OXR1: variants seen among roughly 807,000 people sequenced by gnomAD.
OXR1 encodes the protein oxidation resistance 1, also known as oxidation resistance protein 1.
In OXR1, 41 loss-of-function variants were observed where a neutral mutation model predicts 104.6. The observed-to-expected ratio is 0.39, with a 90% confidence interval of 0.31 to 0.51. The LOEUF is 0.51. Ranked by LOEUF, OXR1 falls within the 20% of genes least tolerant of loss-of-function variation. The pLI, the probability that OXR1 is intolerant of heterozygous loss-of-function variation, is 0.77. For missense variants in OXR1, 955 were observed against 1,031.9 expected, an observed-to-expected ratio of 0.93 and a Z score of 1.02; for synonymous variants, 348 against 348.4, an observed-to-expected ratio of 1.00 and a Z score of 0.01.
intron 1 of OXR1, among the ~76,000 whole-genome samples, chr8:106,316,730 A>ATCG: frequency 1.5e-5 from 1 of 68,308 alleles, no homozygotes; most frequent in African/African-American, 6.0e-5. Flanking sequence ...CTATCTATCT[A>ATCG]TCTATCTATC....
At chr8:106,632,205 T>G (rs531495807) in intron 3 of OXR1, among the ~76,000 whole-genome samples, 3 of 152,304 alleles carry the variant, frequency 2.0e-5, no homozygotes, top group African/African-American at 7.2e-5. Flanking sequence ...TCTTCAAGCT[T>G]AATGTGAAAA....
chr8:106,731,359 A>G (rs1283258041), intron 11 of OXR1, among the ~76,000 whole-genome samples: 2 of 152,090 alleles, frequency 1.3e-5, no homozygotes. Flanking sequence ...TCTAGTCTGT[A>G]GCTTGTCTTT....
intron 3 of OXR1, among the ~76,000 whole-genome samples, chr8:106,610,626 C>A (rs1820745173): frequency 6.6e-6 from 1 of 152,170 alleles, no homozygotes; most frequent in African/African-American, 2.4e-5. Context: ...CCTCTGGCTG[C>A]CAGGCCTCTG....
intron 2 of OXR1, among the ~76,000 whole-genome samples, chr8:106,443,847 T>G (rs1180297433): frequency 1.3e-5 from 2 of 151,904 alleles, no homozygotes. Flanking sequence ...ACAAATGGGG[T>G]CTCATTAAGC....
chr8:106,301,105 CT>C (rs1813219966), intron 1 of OXR1, among the ~76,000 whole-genome samples: 1 of 152,110 alleles, frequency 6.6e-6, no homozygotes. Context: ...GCATTTTTGA[CT>C]TTCAATAGTG....
At chr8:106,387,214 A>T (rs527533498) in intron 2 of OXR1, among the ~76,000 whole-genome samples, 2 of 152,376 alleles carry the variant, frequency 1.3e-5, no homozygotes, top group East Asian at 3.9e-4. Context: ...ATTATCCTTG[A>T]AGCATAATTC....
In OXR1 at chr8:106,750,918, A is replaced by G. The variant is rs1247578112; in HGVS notation, c.2599A>G (p.Ile867Val). 8.1e-6 allele frequency: 13 copies of G among 1,604,728 alleles called. No homozygotes were observed. The highest frequency in any genetic ancestry group is 1.0e-5 in the Non-Finnish European group (12 of 1,176,706). Residue 867 changes from isoleucine to valine, a missense_variant, in exon 17 of 17, where the codon ATT becomes GTT. Physicochemically the swap from Ile to Val is conservative, Grantham distance 29 (BLOSUM62 3). Transcript: ENST00000517566. Reference protein sequence around the residue: ...SKKEDFFIQDIEIWAFE With the variant: ...SKKEDFFIQDVEIWAFE ...GAAGGAAGATTTCTTTATCCAAGAT[A>G]TTGAAATCTGGGCTTTTGAATAAAT...
chr8:106,644,019 G>C (rs1823873176), intron 3 of OXR1, among the ~76,000 whole-genome samples: 1 of 152,170 alleles, frequency 6.6e-6, no homozygotes. Flanking sequence ...CATTTTATGA[G>C]CCTACATGTG....
chr8:106,436,612 T>C (rs569937610), intron 2 of OXR1, among the ~76,000 whole-genome samples: 5 of 152,152 alleles, frequency 3.3e-5, no homozygotes, highest in Admixed American at 6.6e-5. Flanking sequence ...TAATGGTTCA[T>C]ATAAAGTCTA....
At chr8:106,625,789 A>G (rs1023579559) in intron 3 of OXR1, among the ~76,000 whole-genome samples, 23 of 152,190 alleles carry the variant, frequency 1.5e-4, no homozygotes, top group African/African-American at 5.5e-4. Context: ...ATGACCTCAC[A>G]TGTGATAGCA....
At chr8:106,558,479 AG>A (rs1267694384) in intron 3 of OXR1, among the ~76,000 whole-genome samples, 1 of 152,194 alleles carries the variant, frequency 6.6e-6, no homozygotes, top group African/African-American at 2.4e-5. Flanking sequence ...GGCCATTGGA[AG>A]GCTAAGGCAG....
intron 3 of OXR1, among the ~76,000 whole-genome samples, chr8:106,564,288 AT>A (rs1816911068): frequency 5.3e-5 from 8 of 152,222 alleles, no homozygotes; most frequent in Non-Finnish European, 7.3e-5. Context: ...CAATAAAAAA[AT>A]GATAAAGGGG....
At chr8:106,566,370 A>G (rs1010164909) in intron 3 of OXR1, among the ~76,000 whole-genome samples, 14 of 152,192 alleles carry the variant, frequency 9.2e-5, no homozygotes, top group Non-Finnish European at 1.9e-4. Flanking sequence ...ATGAAAAAAA[A>G]GCTCATCACC....
intron 9 of OXR1, chr8:106,707,346 T>A: frequency 1.5e-6 from 1 of 656,182 alleles, no homozygotes; most frequent in Non-Finnish European, 2.7e-6. Flanking sequence ...ATTGTACACA[T>A]AATGAGCATC....
intron 1 of OXR1, among the ~76,000 whole-genome samples, chr8:106,343,421 G>T (rs1336255743): frequency 1.3e-5 from 2 of 152,212 alleles, no homozygotes; most frequent in Non-Finnish European, 2.9e-5. Context: ...ACGGGAATTT[G>T]TTTCTCTTCA....
At chr8:106,593,694 G>T (rs146226402) in intron 3 of OXR1, among the ~76,000 whole-genome samples, 2 of 152,290 alleles carry the variant, frequency 1.3e-5, no homozygotes, top group African/African-American at 4.8e-5. Context: ...GGAGAATGGC[G>T]TGAACCAGGA....
At chr8:106,716,302 A>G (rs962899513) in intron 11 of OXR1, among the ~76,000 whole-genome samples, 7 of 152,202 alleles carry the variant, frequency 4.6e-5, no homozygotes, top group Non-Finnish European at 2.9e-5. Flanking sequence ...AATGTGGCCA[A>G]TCTCAATTGA....
intron 3 of OXR1, among the ~76,000 whole-genome samples, chr8:106,677,044 T>C (rs1473552158): frequency 1.3e-5 from 2 of 152,052 alleles, no homozygotes; most frequent in African/African-American, 4.8e-5. Context: ...ATTGGGATAT[T>C]ATGAAACACA....
intron 1 of OXR1, among the ~76,000 whole-genome samples, chr8:106,317,796 A>G (rs1346638397): frequency 2.0e-5 from 3 of 149,978 alleles, no homozygotes; most frequent in Non-Finnish European, 4.5e-5. Flanking sequence ...CTAAATTCCA[A>G]AAAAAAAAAA....
Sources: gnomAD v4.1 joint callset for allele counts (sites outside exome capture counted in the v4.1 genomes callset) on GRCh38, gnomAD v4.1.1 for gene constraint, MANE v1.5 for transcripts, NCBI Gene and HGNC (gene_info 2026-07-23, HGNC 2026-07-21) for gene names.